The following GRM7 variants were observed in gnomAD, a reference collection of about 807,000 sequenced individuals.
GRM7 encodes the protein metabotropic glutamate receptor 7.
GRM7 carries 35 observed loss-of-function variants against 84.5 expected under a neutral mutation model. That is an observed-to-expected ratio of 0.41 (90% CI 0.32 to 0.55). The LOEUF (loss-of-function observed/expected upper bound fraction) is 0.55, where lower values mean the gene tolerates loss of function less well. GRM7 is among the 20% of genes least tolerant of loss of function. The pLI, the probability that GRM7 is intolerant of heterozygous loss-of-function variation, is 0.19. For missense variants in GRM7, 1,003 were observed against 1,194.6 expected (o/e 0.84, Z 2.36); for synonymous variants, 487 against 455.1 (o/e 1.07, Z -0.89).
At chr3:7,580,754 A>G (rs1384763191) in intron 8 of GRM7, among the ~76,000 whole-genome samples, 2 of 152,318 alleles carry the variant, frequency 1.3e-5, no homozygotes, top group African/African-American at 2.4e-5. Flanking sequence ...CTCAATAAGC[A>G]TAGCATGTTT....
At chr3:7,407,179 G>A (rs552666653) in intron 4 of GRM7, among the ~76,000 whole-genome samples, 1 of 152,244 alleles carries the variant, frequency 6.6e-6, no homozygotes, top group South Asian at 2.1e-4. Context: ...ATTGCCATGA[G>A]GTAGGGTAGA....
chr3:7,337,752 A>T (rs777053329), intron 4 of GRM7, among the ~76,000 whole-genome samples: 2 of 152,014 alleles, frequency 1.3e-5, no homozygotes, highest in Non-Finnish European at 2.9e-5. Context: ...AAATAAATTA[A>T]AAAAAGATAT....
At chr3:7,145,785 T>C (rs1006237595) in intron 1 of GRM7, among the ~76,000 whole-genome samples, 7 of 152,170 alleles carry the variant, frequency 4.6e-5, no homozygotes, top group African/African-American at 1.7e-4. Context: ...CAGACAGTAC[T>C]GCCAGCTCTC....
chr3:7,340,519 A>G (rs902185957), intron 4 of GRM7, among the ~76,000 whole-genome samples: 4 of 152,084 alleles, frequency 2.6e-5, no homozygotes, highest in African/African-American at 9.7e-5. Flanking sequence ...CTTGTGATCC[A>G]GTCACCTCCC....
At chr3:7,413,736 T>C (rs1414485547) in intron 4 of GRM7, among the ~76,000 whole-genome samples, 2 of 152,078 alleles carry the variant, frequency 1.3e-5, no homozygotes, top group African/African-American at 4.8e-5. Context: ...GAGCGTCTAG[T>C]AGAGAAAGAG....
intron 8 of GRM7, among the ~76,000 whole-genome samples, chr3:7,611,376 G>A (rs1696839809): frequency 6.6e-6 from 1 of 152,124 alleles, no homozygotes; most frequent in South Asian, 2.1e-4. Flanking sequence ...GAAACATGGG[G>A]ATGCAGAAGA....
intron 8 of GRM7, among the ~76,000 whole-genome samples, chr3:7,643,892 T>C (rs1698481224): frequency 6.6e-6 from 1 of 152,050 alleles, no homozygotes; most frequent in Non-Finnish European, 1.5e-5. Flanking sequence ...GTCTTTTGTA[T>C]GTGAGATATG....
At chr3:7,692,930 ATCTAACTTCAGGGCCAC>A (rs1263563421) in intron 9 of GRM7, among the ~76,000 whole-genome samples, 2 of 151,062 alleles carry the variant, frequency 1.3e-5, no homozygotes, top group Non-Finnish European at 2.9e-5. Flanking sequence ...GGGAAACATA[ATCTAACTTCAGGGCCAC>A]TGTGGAGTGA....
intron 2 of GRM7, among the ~76,000 whole-genome samples, chr3:7,152,559 T>C (rs1267441814): frequency 6.6e-6 from 1 of 152,194 alleles, no homozygotes; most frequent in Non-Finnish European, 1.5e-5. Flanking sequence ...TTATTCAACC[T>C]TCTGTGGATT....
chr3:7,401,299 C>CA (rs1695438117), intron 4 of GRM7, among the ~76,000 whole-genome samples: 1 of 152,150 alleles, frequency 6.6e-6, no homozygotes, highest in Non-Finnish European at 1.5e-5. Flanking sequence ...ATCTGGCACT[C>CA]AGAGTGCTGC....
At chr3:7,026,593 T>C (rs1695990378) in intron 1 of GRM7, among the ~76,000 whole-genome samples, 1 of 152,152 alleles carries the variant, frequency 6.6e-6, no homozygotes, top group Admixed American at 6.5e-5. Flanking sequence ...AAGAAAAACA[T>C]CTTCCTGGCA....
chr3:7,085,163 C>G (rs371238174), intron 1 of GRM7, among the ~76,000 whole-genome samples: 4 of 152,144 alleles, frequency 2.6e-5, no homozygotes, highest in African/African-American at 9.6e-5. Context: ...CACATTAGAC[C>G]TTTTTGGAAT....
At chr3:7,003,137 G>A (rs1370307419) in intron 1 of GRM7, among the ~76,000 whole-genome samples, 2 of 152,162 alleles carry the variant, frequency 1.3e-5, no homozygotes, top group East Asian at 3.8e-4. Flanking sequence ...AGAGTACTCA[G>A]TTAGACTAAA....
At chr3:7,196,848 G>A (rs1695894383) in intron 2 of GRM7, among the ~76,000 whole-genome samples, 1 of 152,084 alleles carries the variant, frequency 6.6e-6, no homozygotes. Flanking sequence ...TCAGGGACCT[G>A]AGTCACTGTG....
intron 1 of GRM7, among the ~76,000 whole-genome samples, chr3:6,881,334 C>T (rs993997308): frequency 5.9e-5 from 9 of 152,078 alleles, no homozygotes; most frequent in Non-Finnish European, 1.3e-4. Context: ...TTGTTCCCCT[C>T]CCTGTGTCCA....
At chr3:7,204,103 G>T (rs987862167) in intron 2 of GRM7, among the ~76,000 whole-genome samples, 2 of 152,330 alleles carry the variant, frequency 1.3e-5, no homozygotes, top group African/African-American at 4.8e-5. Flanking sequence ...TATTGCTTCA[G>T]TTAAAAGAAA....
chr3:7,731,739 A>G (rs1702339522), intron 9 of GRM7, among the ~76,000 whole-genome samples: 1 of 152,090 alleles, frequency 6.6e-6, no homozygotes. Flanking sequence ...ATAACACCAC[A>G]ATTGTAGACT....
chr3:7,067,254 T>A (rs1278695991), intron 1 of GRM7, among the ~76,000 whole-genome samples: 1 of 151,856 alleles, frequency 6.6e-6, no homozygotes, highest in East Asian at 1.9e-4. Context: ...GATGATATGA[T>A]CTTTACCTTG....
chr3:7,432,647 A>T (rs2124851855), intron 5 of GRM7, among the ~76,000 whole-genome samples: 1 of 152,144 alleles, frequency 6.6e-6, no homozygotes, highest in Non-Finnish European at 1.5e-5. Flanking sequence ...AAAAAAAAAA[A>T]ATAGAAATAA....
Sources: gnomAD v4.1 joint callset for allele counts (sites outside exome capture counted in the v4.1 genomes callset) on GRCh38, gnomAD v4.1.1 for gene constraint, MANE v1.5 for transcripts, NCBI Gene and HGNC (gene_info 2026-07-23, HGNC 2026-07-21) for gene names.